Variants in GALNT17 observed in about 807,000 individuals in gnomAD.
GALNT17 encodes the protein polypeptide N-acetylgalactosaminyltransferase 17, also known as UDP-GalNAc:polypeptide N-acetylgalactosaminyltransferase-like 3.
Under a neutral mutation model 63.7 loss-of-function variants are expected in GALNT17, and 29 were observed. The ratio of observed to expected loss-of-function variants is 0.46; its 90% CI spans 0.34 to 0.62. GALNT17 has a LOEUF of 0.62. GALNT17 is among the 20% of genes least tolerant of loss of function. GALNT17 has a pLI of 0.01. For synonymous variants in GALNT17, 305 were observed against 318.3 expected (o/e 0.96, Z 0.45); for missense variants, 603 against 799.6 (o/e 0.75, Z 2.97).
chr7:71,198,936 CGATCCTCA>C (rs1379536903), intron 1 of GALNT17, among the ~76,000 whole-genome samples: 14 of 152,300 alleles, frequency 9.2e-5, no homozygotes, highest in Non-Finnish European at 1.8e-4. Context: ...AATGCTGGCA[CGATCCTCA>C]GAATTTCTGA....
chr7:71,486,393 AATAAT>A (rs1260255885), intron 5 of GALNT17, among the ~76,000 whole-genome samples: 3 of 147,574 alleles, frequency 2.0e-5, no homozygotes, highest in African/African-American at 7.4e-5. Flanking sequence ...AATAATAGTA[AATAAT>A]ATATTTCCTC....
At chr7:71,209,101 C>T (rs1789328937) in intron 1 of GALNT17, among the ~76,000 whole-genome samples, 1 of 152,196 alleles carries the variant, frequency 6.6e-6, no homozygotes, top group Non-Finnish European at 1.5e-5. Context: ...TCCAACTAAA[C>T]TTTATTTTTG....
intron 1 of GALNT17, among the ~76,000 whole-genome samples, chr7:71,159,640 C>T (rs1379055874): frequency 2.0e-5 from 3 of 147,766 alleles, no homozygotes; most frequent in Non-Finnish European, 4.4e-5. Context: ...CTGGCGGGAG[C>T]AGAAACGGGC....
At chr7:71,356,217 A>G (rs1409275989) in intron 2 of GALNT17, among the ~76,000 whole-genome samples, 1 of 152,052 alleles carries the variant, frequency 6.6e-6, no homozygotes, top group African/African-American at 2.4e-5. Flanking sequence ...TCCTCAAATG[A>G]TCCTCTTGCC....
intron 6 of GALNT17, among the ~76,000 whole-genome samples, chr7:71,614,957 G>T (rs147725843): frequency 2.2e-4 from 34 of 152,120 alleles, no homozygotes; most frequent in Admixed American, 1.9e-3. Context: ...CAAGCACTTC[G>T]AATAAGGGAT....
At chr7:71,606,335 C>T (rs781226496) in intron 6 of GALNT17, among the ~76,000 whole-genome samples, 2 of 152,186 alleles carry the variant, frequency 1.3e-5, no homozygotes, top group African/African-American at 2.4e-5. Context: ...CACCCCATTC[C>T]GAATCTGTCA....
intron 1 of GALNT17, among the ~76,000 whole-genome samples, chr7:71,242,046 A>ATG (rs977026555): frequency 4.6e-5 from 7 of 152,008 alleles, no homozygotes; most frequent in Admixed American, 4.6e-4. Context: ...GGCAGCCTGC[A>ATG]TGTCACATGT....
At chr7:71,191,729 C>T (rs1242114008) in intron 1 of GALNT17, among the ~76,000 whole-genome samples, 1 of 152,146 alleles carries the variant, frequency 6.6e-6, no homozygotes, top group African/African-American at 2.4e-5. Context: ...AAAAGAGCAA[C>T]TGTGTCTGCT....
At chr7:71,423,638 G>GC (rs1305155775) in intron 5 of GALNT17, among the ~76,000 whole-genome samples, 1 of 152,146 alleles carries the variant, frequency 6.6e-6, no homozygotes, top group Admixed American at 6.5e-5. Context: ...GTTTAGCCAG[G>GC]CCCAGTGGCC....
chr7:71,464,195 T>C (rs1463094076), intron 5 of GALNT17, among the ~76,000 whole-genome samples: 2 of 152,204 alleles, frequency 1.3e-5, no homozygotes, highest in African/African-American at 4.8e-5. Flanking sequence ...TAAATGGACC[T>C]AACAGGATTC....
intron 5 of GALNT17, among the ~76,000 whole-genome samples, chr7:71,468,004 C>G (rs142321454): frequency 1.3e-5 from 2 of 152,058 alleles, no homozygotes; most frequent in African/African-American, 4.8e-5. Flanking sequence ...ATGGTATGGT[C>G]TAGGGCATTC....
At chr7:71,205,018 T>C (rs1190249205) in intron 1 of GALNT17, among the ~76,000 whole-genome samples, 1 of 152,164 alleles carries the variant, frequency 6.6e-6, no homozygotes, top group Admixed American at 6.5e-5. Context: ...AATGCTGGGA[T>C]TACATCTTTT....
At chr7:71,177,905 G>T (rs1165205456) in intron 1 of GALNT17, among the ~76,000 whole-genome samples, 2 of 152,066 alleles carry the variant, frequency 1.3e-5, no homozygotes, top group Non-Finnish European at 2.9e-5. Context: ...AGGAAGGTAG[G>T]GGTTGCTTGC....
intron 2 of GALNT17, among the ~76,000 whole-genome samples, chr7:71,343,684 A>C (rs868455025): frequency 6.6e-6 from 1 of 152,084 alleles, no homozygotes; most frequent in South Asian, 2.1e-4. Context: ...TTGCTTTTCT[A>C]TGACTCTTTT....
rs200834000 is a variant in GALNT17, at chr7:71,639,846, AG to A, written c.1081-25559del. On this transcript the variant is annotated intron_variant, in intron 6 of 10. Transcript: ENST00000333538. ...GGAACCTTTAGGTAATCTCTTTCAG[AG>A]GGGGGTGAGCTCTGACAAGGCAAAG... Among the ~76,000 whole-genome samples the A allele has an allele frequency of 5.3e-3, 801 of 152,216 alleles. 7 individuals are homozygous for A. The highest frequency in any genetic ancestry group is 0.018 in the African/African-American group (739 of 41,516).
At chr7:71,457,159 G>A (rs569858819) in intron 5 of GALNT17, among the ~76,000 whole-genome samples, 185 of 152,306 alleles carry the variant, frequency 1.2e-3, no homozygotes, top group African/African-American at 4.4e-3. Context: ...TAAGCTATCC[G>A]TTTACATTGT....
At position 71,623,241 on chromosome 7, in the gene GALNT17, C is replaced by T. The variant is rs191726379; in HGVS notation, c.1081-42170C>T. 1.9e-3 allele frequency among the ~76,000 whole-genome samples: 282 copies of T among 152,258 alleles called. 2 individuals are homozygous for T. Among genetic ancestry groups the T allele is most frequent in the African/African-American group, 5.4e-3 (226 of 41,548 alleles). On this transcript the variant is annotated intron_variant, in intron 6 of 10. Transcript: ENST00000333538. ...AAGTTACTTAATCTCTCTGTGCCTC[C>T]TTTTCCTCATCAGAAAATGAGAAGA...
intron 1 of GALNT17, among the ~76,000 whole-genome samples, chr7:71,142,885 G>T (rs910130274): frequency 1.1e-4 from 16 of 151,440 alleles, no homozygotes; most frequent in African/African-American, 3.6e-4. Context: ...AGGTTGCCAT[G>T]GGCCGAGATT....
intron 6 of GALNT17, among the ~76,000 whole-genome samples, chr7:71,601,264 T>G (rs1243285294): frequency 6.6e-6 from 1 of 152,170 alleles, no homozygotes; most frequent in Non-Finnish European, 1.5e-5. Context: ...GGTATCTTTT[T>G]TGAATAATGA....
Sources: allele counts gnomAD v4.1 joint callset (sites outside exome capture counted in the v4.1 genomes callset), GRCh38; gene constraint gnomAD v4.1.1; transcripts MANE v1.5; gene names NCBI Gene and HGNC (gene_info 2026-07-23, HGNC 2026-07-21).